The following AFF3 variants were observed in gnomAD, a reference collection of about 807,000 sequenced individuals.
AFF3 encodes ALF transcription elongation factor 3.
A neutral mutation model predicts 129.7 loss-of-function variants in AFF3; 32 were observed. The ratio of observed to expected loss-of-function variants is 0.25; its 90% CI spans 0.19 to 0.33. AFF3 has a LOEUF of 0.33. Among genes scored for constraint, AFF3 ranks in the 10% least tolerant of loss-of-function variants. The probability of loss-of-function intolerance (pLI) is 1.00; values close to 1 mark genes in which losing one functional copy is unlikely to be tolerated. For synonymous variants in AFF3, 644 were observed against 635.4 expected (o/e 1.01, Z -0.20); for missense variants, 1,373 against 1,592.0 (o/e 0.86, Z 2.34).
intron 8 of AFF3, among the ~76,000 whole-genome samples, chr2:99,813,991 G>C (rs1687009066): frequency 6.6e-6 from 1 of 152,152 alleles, no homozygotes; most frequent in South Asian, 2.1e-4. Context: ...CAAAGAAGGG[G>C]TGTACCTAGG....
At chr2:99,826,003 T>C (rs1036380697) in intron 8 of AFF3, among the ~76,000 whole-genome samples, 2 of 149,808 alleles carry the variant, frequency 1.3e-5, no homozygotes, top group African/African-American at 4.9e-5. Context: ...CATCCATTTA[T>C]TCACTTAAAA....
At chr2:99,618,341 T>G (rs1337299383) in intron 13 of AFF3, among the ~76,000 whole-genome samples, 3 of 149,386 alleles carry the variant, frequency 2.0e-5, no homozygotes, top group Non-Finnish European at 4.4e-5. Context: ...GTTCATATGA[T>G]TCTCCTTCCT....
chr2:99,604,930 G>T (rs970297606), intron 13 of AFF3, among the ~76,000 whole-genome samples: 1 of 152,248 alleles, frequency 6.6e-6, no homozygotes, highest in Non-Finnish European at 1.5e-5. Flanking sequence ...ATGCGATGCT[G>T]GTTCTGTGTG....
At chr2:99,834,802 C>T (rs1381541146) in intron 8 of AFF3, among the ~76,000 whole-genome samples, 1 of 152,170 alleles carries the variant, frequency 6.6e-6, no homozygotes, top group Admixed American at 6.5e-5. Flanking sequence ...TATTCCTTCC[C>T]TTAGTCTCTA....
chr2:100,104,437 TA>T lies in AFF3; in HGVS notation c.17del (p.Leu6Ter). The T allele has an allele frequency of 1.5e-6, 2 of 1,312,178 alleles. No individual in the cohort carries two copies. Among genetic ancestry groups the T allele is most frequent in the Non-Finnish European group, 2.0e-6 (2 of 1,006,678 alleles). The allele number at this position is 1,312,178 out of a possible 1,614,324, so 81.3% of individuals were successfully genotyped here. MDSFD[L>X]ALLQEWDLES... Reference sequence around the variant, plus strand: ...CGAGGTCCCATTCCTGGAGCAGGGCTAAGTCGAAGCTGTCCATGGTGGGAGG... The same window carrying T: ...CGAGGTCCCATTCCTGGAGCAGGGCTAGTCGAAGCTGTCCATGGTGGGAGG... On this transcript the variant is annotated frameshift_variant, in exon 4 of 25. Coordinates refer to ENST00000672756, the MANE Select transcript of AFF3 (RefSeq NM_001386135.1). LOFTEE classifies it high-confidence loss of function.
At chr2:100,012,271 G>A (rs1682620458) in intron 4 of AFF3, among the ~76,000 whole-genome samples, 1 of 152,110 alleles carries the variant, frequency 6.6e-6, no homozygotes, top group African/African-American at 2.4e-5. Flanking sequence ...AAAAAGAAAG[G>A]CAATGCCTTC....
At chr2:99,832,947 A>T (rs1177247903) in intron 8 of AFF3, among the ~76,000 whole-genome samples, 2 of 152,196 alleles carry the variant, frequency 1.3e-5, no homozygotes, top group African/African-American at 2.4e-5. Flanking sequence ...AGGAAACAGT[A>T]TGAGCTAGAA....
intron 4 of AFF3, among the ~76,000 whole-genome samples, chr2:100,085,149 GAATT>G (rs1405047294): frequency 4.7e-4 from 67 of 142,520 alleles, no homozygotes; most frequent in Non-Finnish European, 9.3e-4. Context: ...TGGAATTGAA[GAATT>G]AATTGTGATG....
intron 15 of AFF3, among the ~76,000 whole-genome samples, chr2:99,588,182 T>A (rs1678315329): frequency 6.6e-6 from 1 of 152,030 alleles, no homozygotes; most frequent in South Asian, 2.1e-4. Context: ...GGGTTTAATT[T>A]TATTTGTTTA....
At position 99,546,088 on chromosome 2, in the gene AFF3, G is replaced by A. The variant is rs1346926541; in HGVS notation, c.*5386C>T. 4.4e-6 allele frequency: 1 copy of A among 227,582 alleles called. No individual in the cohort carries two copies. The highest frequency in any genetic ancestry group is 2.2e-5 in the African/African-American group (1 of 45,048). 14.1% of individuals were successfully genotyped at this position (227,582 alleles called of 1,614,324 possible). Reference sequence around the variant, plus strand: ...CCAAATGGTTGGAAGTGCAGTTTATGTGGTCAGGTTGTTTTTCCCCTTTCA... The same window carrying A: ...CCAAATGGTTGGAAGTGCAGTTTATATGGTCAGGTTGTTTTTCCCCTTTCA... On this transcript the variant is annotated 3_prime_UTR_variant, in exon 25 of 25. Transcript: ENST00000672756.
intron 7 of AFF3, among the ~76,000 whole-genome samples, chr2:99,862,917 T>C (rs1691101181): frequency 6.6e-6 from 1 of 152,242 alleles, no homozygotes; most frequent in Non-Finnish European, 1.5e-5. Context: ...CTCCAACCAC[T>C]TCCTATAATC....
chr2:99,760,610 C>G (rs921277992), intron 8 of AFF3, among the ~76,000 whole-genome samples: 6 of 152,264 alleles, frequency 3.9e-5, no homozygotes, highest in Non-Finnish European at 7.4e-5. Flanking sequence ...TGGTCCTCAC[C>G]CCTGCCTGTG....
chr2:99,837,711 C>G (rs1384909110), intron 7 of AFF3, among the ~76,000 whole-genome samples, 187 bp from the exon 8 acceptor site: 1 of 152,072 alleles, frequency 6.6e-6, no homozygotes, highest in African/African-American at 2.4e-5. Context: ...GTGGCTGCTG[C>G]TCCCCCTTCT....
At chr2:99,723,980 C>T (rs1679134159) in intron 11 of AFF3, among the ~76,000 whole-genome samples, 1 of 152,124 alleles carries the variant, frequency 6.6e-6, no homozygotes. Flanking sequence ...CTTTACATCT[C>T]CCAGAAGCAA....
intron 11 of AFF3, among the ~76,000 whole-genome samples, chr2:99,685,924 A>C (rs1444667964): frequency 1.3e-5 from 2 of 152,048 alleles, no homozygotes; most frequent in African/African-American, 4.8e-5. Context: ...TGGTGGCTCA[A>C]ACCTGTAATC....
intron 1 of AFF3, among the ~76,000 whole-genome samples, chr2:100,133,384 A>G (rs1004507941): frequency 5.3e-5 from 8 of 152,086 alleles, no homozygotes; most frequent in Middle Eastern, 3.4e-3. Context: ...CCTAGTATGT[A>G]TGTTTCGTTG....
At chr2:99,635,113 CACATATCTCTAGGTATATGATATAT>C (rs1683515559) in intron 13 of AFF3, among the ~76,000 whole-genome samples, 4 of 151,122 alleles carry the variant, frequency 2.6e-5, no homozygotes, top group Non-Finnish European at 5.9e-5. Context: ...ATGATATATA[CACATATCTCTAGGTATATGATATAT>C]ACACATATCT....
intron 12 of AFF3, among the ~76,000 whole-genome samples, chr2:99,655,561 G>C (rs1216516771): frequency 6.6e-6 from 1 of 152,136 alleles, no homozygotes; most frequent in Non-Finnish European, 1.5e-5. Context: ...GCAAGTGGTA[G>C]GGACAGCAGC....
chr2:100,024,897 A>T lies in AFF3; in HGVS notation c.54-15965T>A, dbSNP rs138561877. Among the ~76,000 whole-genome samples, 670 of 152,232 alleles carry T rather than the reference A, an allele frequency of 4.4e-3. 5 individuals carry two copies. Among genetic ancestry groups the T allele is most frequent in the African/African-American group, 0.014 (602 of 41,556 alleles). On this transcript the variant is annotated intron_variant, in intron 4 of 24. Transcript: ENST00000672756. ...TGAAAATTTTAAAATAGTTATCTTG[A>T]GGTGAAGGATAGAGTGGTGAGGAGT... is the stretch of plus-strand genomic sequence containing the variant.
Sources: gnomAD v4.1 joint callset for allele counts (sites outside exome capture counted in the v4.1 genomes callset) on GRCh38, gnomAD v4.1.1 for gene constraint, MANE v1.5 for transcripts, NCBI Gene and HGNC (gene_info 2026-07-23, HGNC 2026-07-21) for gene names.